The following PRXL2B variants were observed in gnomAD, a reference collection of about 807,000 sequenced individuals.
PRXL2B encodes peroxiredoxin like 2B, also known as prostamide/prostaglandin F synthase.
PRXL2B carries 26 observed loss-of-function variants against 24.4 expected under a neutral mutation model. That is an observed-to-expected ratio of 1.07 (90% CI 0.78 to 1.48). The LOEUF (loss-of-function observed/expected upper bound fraction) is 1.48, where lower values mean the gene tolerates loss of function less well. Ranked by LOEUF, PRXL2B falls within the 40% of genes most tolerant of loss-of-function variation. PRXL2B has a pLI of 0.00. For synonymous variants in PRXL2B, 115 were observed against 118.9 expected, an observed-to-expected ratio of 0.97 and a Z score of 0.21; for missense variants, 269 against 264.8, an observed-to-expected ratio of 1.02 and a Z score of -0.11.
chr1:2,588,865 T>G, intron 5 of PRXL2B, 57 bp from the exon 6 acceptor site: 1 of 1,525,672 alleles, frequency 6.6e-7, no homozygotes. Context: ...TCCTGGTATG[T>G]GGCTGTGAGG....
In PRXL2B at chr1:2,588,989, C is replaced by A. The variant is rs115817728; in HGVS notation, c.528C>A (p.Ile176=). The part of the protein sequence containing the change: ...SPGDYVPKEH[I]LQVLGISAEV... ...GCGACTACGTCCCCAAGGAGCACAT[C>A]CTGCAGGTCCTGGGCATCTCTGCGG... Residue 176 remains isoleucine (I), a synonymous_variant, in exon 6 of 7, where the codon ATC becomes ATA. Coordinates refer to ENST00000419916, the MANE Select transcript of PRXL2B (RefSeq NM_152371.5). The A allele has an allele frequency of 5.1e-4, 828 of 1,613,310 alleles. 2 individuals carry two copies. The African/African-American group carries it at 9.6e-3, about 19-fold the overall frequency.
Position 2,586,867 on chromosome 1 carries a change from A to C in PRXL2B, c.-19A>C. 7.8e-7 allele frequency: 1 copy of C among 1,290,160 alleles called. No individual in the cohort carries two copies. Among genetic ancestry groups the C allele is most frequent in the Non-Finnish European group, 9.8e-7 (1 of 1,019,698 alleles). The allele number at this position is 1,290,160 out of a possible 1,614,324, so 79.9% of individuals were successfully genotyped here. ...ACAGGGAGTCGGGGAGCCGGGAACC[A>C]GGGCTGGCAGCGGCCGCCATGAGCA... On this transcript the variant is annotated 5_prime_UTR_variant, in exon 1 of 7. Coordinates refer to ENST00000419916, the MANE Select transcript of PRXL2B (RefSeq NM_152371.5).
intron 1 of PRXL2B, 52 bp downstream of exon 1, chr1:2,587,000 G>A: frequency 1.5e-6 from 2 of 1,318,844 alleles, no homozygotes; most frequent in Non-Finnish European, 1.9e-6. Flanking sequence ...TCCTTGCCCG[G>A]GCGTCCTGGC....
Position 2,591,134 on chromosome 1 carries a change from CA to C in PRXL2B, c.*1710del. Reference sequence around the variant, plus strand: ...ACAGCAGGAGCATTGCCATCTTGGACAAACATGGCCATTTTAAGTTCTCCGT... The same window carrying C: ...ACAGCAGGAGCATTGCCATCTTGGACAACATGGCCATTTTAAGTTCTCCGT... On this transcript the variant is annotated 3_prime_UTR_variant, in exon 7 of 7. Coordinates refer to ENST00000419916, the MANE Select transcript of PRXL2B (RefSeq NM_152371.5). 1 of 1,356,436 alleles carries C rather than the reference CA, an allele frequency of 7.4e-7. No individual in the cohort carries two copies. Among genetic ancestry groups the C allele is most frequent in the Non-Finnish European group, 1.0e-6 (1 of 998,500 alleles). The allele number at this position is 1,356,436 out of a possible 1,614,324, so 84.0% of individuals were successfully genotyped here.
At position 2,587,195 on chromosome 1, in the gene PRXL2B, C is replaced by T; in HGVS notation, c.168C>T (p.Ser56=). Residue 56 remains serine (S), a synonymous_variant, in exon 2 of 7, where the codon AGC becomes AGT. Coordinates refer to ENST00000419916, the MANE Select transcript of PRXL2B (RefSeq NM_152371.5). This position sits in a 1 kb window ranked among gnomAD's most constrained non-coding sequence, Gnocchi z 6.1. ...GCTGGATCGCCCAGGACCTCAGCAG[C>T]CTTGCTGGGCTCCTGGACCAACACG... ...VCRWIAQDLS[S]LAGLLDQHGV... The T allele has an allele frequency of 6.4e-7, 1 of 1,565,358 alleles. No homozygotes were observed. Among genetic ancestry groups the T allele is most frequent in the Non-Finnish European group, 8.6e-7 (1 of 1,162,186 alleles).
At chr1:2,588,687 C>T (rs951092795) in intron 5 of PRXL2B, 62 bp downstream of exon 5, 1 of 1,548,532 alleles carries the variant, frequency 6.5e-7, no homozygotes, top group Non-Finnish European at 8.9e-7. Flanking sequence ...CTTGGTGGCC[C>T]AGCCCAGGCC....
Position 2,590,770 on chromosome 1 carries a change from T to C in PRXL2B, c.*1343T>C. 2 of 405,492 alleles carry C rather than the reference T, an allele frequency of 4.9e-6. No individual in the cohort carries two copies. The highest frequency in any genetic ancestry group is 3.6e-5 in the East Asian group (1 of 28,092). The allele number at this position is 405,492 out of a possible 1,614,324, so 25.1% of individuals were successfully genotyped here. ...ACGGGGGCACTGAGCCCCGCGGGTG[T>C]CTGTGGAGGGGGCTCCGGTCCAGGT... On this transcript the variant is annotated 3_prime_UTR_variant, in exon 7 of 7. Transcript: ENST00000419916.
Position 2,587,916 on chromosome 1 carries a change from G to T in PRXL2B, c.320+124G>T. On this transcript the variant is annotated intron_variant, in intron 3 of 6. Coordinates refer to ENST00000419916, the MANE Select transcript of PRXL2B (RefSeq NM_152371.5). The surrounding 1 kb of genome is among the most constrained non-coding windows in gnomAD (Gnocchi z 6.1). ...TGTCCACTCGGGCCTTCCTGGGCAA[G>T]GCGGCTCTGGTGGCACTGTTGACCA... 1 of 1,141,502 alleles carries T rather than the reference G, an allele frequency of 8.8e-7. No individual in the cohort carries two copies. The highest frequency in any genetic ancestry group is 1.2e-6 in the Non-Finnish European group (1 of 811,674). The allele number at this position is 1,141,502 out of a possible 1,614,324, so 70.7% of individuals were successfully genotyped here. A position where few individuals can be genotyped will look rare whatever the true frequency, so the allele number is the denominator to read the frequency against.
At chr1:2,589,112 G>C in intron 6 of PRXL2B, 72 bp downstream of exon 6, 1 of 1,440,190 alleles carries the variant, frequency 6.9e-7, no homozygotes, top group Non-Finnish European at 9.7e-7. Flanking sequence ...GGAGCACTCG[G>C]CTTGGCTGGG....
Position 2,590,909 on chromosome 1 carries a change from G to T in PRXL2B, c.*1482G>T. 1 of 1,131,246 alleles carries T rather than the reference G, an allele frequency of 8.8e-7. No individual in the cohort carries two copies. 70.1% of individuals were successfully genotyped at this position (1,131,246 alleles called of 1,614,324 possible). The stretch of plus-strand genomic sequence containing the variant: ...GGTTGGCCGGGGCGGGACGTACACT[G>T]GGTCGCCGCTAGCTGCACCTTCGCA... On this transcript the variant is annotated 3_prime_UTR_variant, in exon 7 of 7. Transcript: ENST00000419916.
rs892266654 is a variant in PRXL2B, at chr1:2,587,481, C to G, written c.268+186C>G. Among the ~76,000 whole-genome samples, 4 of 152,134 alleles carry G rather than the reference C, an allele frequency of 2.6e-5. No homozygotes were observed. Among genetic ancestry groups the G allele is most frequent in the African/African-American group, 9.7e-5 (4 of 41,422 alleles). On this transcript the variant is annotated intron_variant, in intron 2 of 6. Transcript: ENST00000419916. This position sits in a 1 kb window ranked among gnomAD's most constrained non-coding sequence, Gnocchi z 6.1. ...GCTGGTGGCTGGGTGGTGCCCTGCA[C>G]AGACCTGGGCCCAGCAGCAGAGTCT...
chr1:2,590,922 C>CGACG lies in PRXL2B; in HGVS notation c.*1495_*1496insGACG. On this transcript the variant is annotated 3_prime_UTR_variant, in exon 7 of 7. Coordinates refer to ENST00000419916, the MANE Select transcript of PRXL2B (RefSeq NM_152371.5). ...GGGACGTACACTGGGTCGCCGCTAG[C>CGACG]TGCACCTTCGCACAGATGCCTCCGA... 1 of 1,241,856 alleles carries CGACG rather than the reference C, an allele frequency of 8.1e-7. No individual in the cohort carries two copies. Among genetic ancestry groups the CGACG allele is most frequent in the Non-Finnish European group, 1.1e-6 (1 of 948,648 alleles). 76.9% of individuals were successfully genotyped at this position (1,241,856 alleles called of 1,614,324 possible).
At chr1:2,589,107 A>T in intron 6 of PRXL2B, 67 bp downstream of exon 6, 2 of 1,470,096 alleles carry the variant, frequency 1.4e-6, no homozygotes, top group South Asian at 1.1e-5. Context: ...TGGGAGGAGC[A>T]CTCGGCTTGG....
chr1:2,589,353 C>T (rs1022710408), intron 6 of PRXL2B, 57 bp from the exon 7 acceptor site: 3 of 1,600,180 alleles, frequency 1.9e-6, no homozygotes, highest in Non-Finnish European at 2.6e-6. Context: ...GGGGGCCCTC[C>T]AGGCATTTGT....
At chr1:2,586,605 C>A, upstream of PRXL2B, 2 of 635,932 alleles carry the variant, frequency 3.1e-6, no homozygotes, top group Non-Finnish European at 4.5e-6. Context: ...GGAGGGGAAA[C>A]AAGGCGGGAC....
chr1:2,587,730 C>T lies in PRXL2B; in HGVS notation c.269-11C>T, dbSNP rs779163106. On this transcript the variant is annotated splice_polypyrimidine_tract_variant and intron_variant, in intron 2 of 6. Transcript: ENST00000419916. This position sits in a 1 kb window ranked among gnomAD's most constrained non-coding sequence, Gnocchi z 6.1. ...CGCCTGGGGCACACACATGTGGCTT[C>T]CGCTTTCCAGAGCTCTACCTGGATG... 2.5e-6 allele frequency: 4 copies of T among 1,599,280 alleles called. No homozygotes were observed. The highest frequency in any genetic ancestry group is 3.4e-6 in the Non-Finnish European group (4 of 1,173,272).
At position 2,591,176 on chromosome 1, in the gene PRXL2B, C is replaced by G; in HGVS notation, c.*1749C>G. 1.1e-6 allele frequency: 1 copy of G among 900,376 alleles called. No homozygotes were observed. The highest frequency in any genetic ancestry group is 1.6e-6 in the Non-Finnish European group (1 of 606,232). The allele number at this position is 900,376 out of a possible 1,614,324, so 55.8% of individuals were successfully genotyped here. A position where few individuals can be genotyped will look rare whatever the true frequency, so the allele number is the denominator to read the frequency against. ...AGTTCTCCGTGATTAAAAACCAGCC[C>G]AAAACATCAGCCTAATGGCTCATGT... On this transcript the variant is annotated 3_prime_UTR_variant, in exon 7 of 7. Transcript: ENST00000419916.
chr1:2,589,581 T>G lies in PRXL2B; in HGVS notation c.*154T>G. On this transcript the variant is annotated 3_prime_UTR_variant, in exon 7 of 7. Coordinates refer to ENST00000419916, the MANE Select transcript of PRXL2B (RefSeq NM_152371.5). The stretch of plus-strand genomic sequence containing the variant: ...CAGCAACGAGCCATTAAAACTGCAG[T>G]TCCTGACCACGCACTGCTTCGCAGG... 5.5e-4 allele frequency: 501 copies of G among 910,060 alleles called. No homozygotes were observed. Among genetic ancestry groups the G allele is most frequent in the Non-Finnish European group, 6.3e-4 (373 of 587,472 alleles). The allele number at this position is 910,060 out of a possible 1,614,324, so 56.4% of individuals were successfully genotyped here.
rs1644549383 is a variant in PRXL2B at position 2,587,340 on chromosome 1, A to C, written c.268+45A>C. 1 of 1,531,890 alleles carries C rather than the reference A, an allele frequency of 6.5e-7. No homozygotes were observed. Among genetic ancestry groups the C allele is most frequent in the East Asian group, 2.4e-5 (1 of 41,044 alleles). The allele number at this position is 1,531,890 out of a possible 1,614,324, so 94.9% of individuals were successfully genotyped here. On this transcript the variant is annotated intron_variant, in intron 2 of 6. Coordinates refer to ENST00000419916, the MANE Select transcript of PRXL2B (RefSeq NM_152371.5). This position sits in a 1 kb window ranked among gnomAD's most constrained non-coding sequence, Gnocchi z 6.1. ...GCGGCGGCGCACATACCCTTCCCTA[A>C]GCTCAGGGCGTTCGGGGCCCTTTCC...
Sources: allele counts gnomAD v4.1 joint callset (sites outside exome capture counted in the v4.1 genomes callset), GRCh38; gene constraint gnomAD v4.1.1; non-coding constraint Gnocchi (gnomAD v3.1); transcripts MANE v1.5; gene names NCBI Gene and HGNC (gene_info 2026-07-23, HGNC 2026-07-21).